Variants in ZBTB20 observed in about 807,000 individuals in gnomAD.
The protein encoded by ZBTB20 is zinc finger and BTB domain containing 20, also known as zinc finger and BTB domain-containing protein 20.
ZBTB20 carries 9 observed loss-of-function variants against 56.9 expected under a neutral mutation model. The observed-to-expected ratio is 0.16, with a 90% confidence interval of 0.10 to 0.28. ZBTB20 has a LOEUF of 0.28. ZBTB20 is among the 10% of genes least tolerant of loss of function. ZBTB20 has a pLI of 1.00. For synonymous variants in ZBTB20, 417 were observed against 420.7 expected, an observed-to-expected ratio of 0.99 and a Z score of 0.11; for missense variants, 655 against 1,003.0, an observed-to-expected ratio of 0.65 and a Z score of 4.69.
At chr3:114,531,801 T>C (rs921599039) in intron 6 of ZBTB20, among the ~76,000 whole-genome samples, 11 of 152,108 alleles carry the variant, frequency 7.2e-5, no homozygotes, top group Admixed American at 1.3e-4. Flanking sequence ...GCTCATCTCA[T>C]TGGGACTGGT....
At chr3:114,980,794 C>T (rs2078294934) in intron 2 of ZBTB20, among the ~76,000 whole-genome samples, 2 of 152,056 alleles carry the variant, frequency 1.3e-5, no homozygotes, top group East Asian at 1.9e-4. Flanking sequence ...GGACTATTTT[C>T]ACCAGCGTAG....
At chr3:114,591,397 G>C (rs1179765327) in intron 6 of ZBTB20, among the ~76,000 whole-genome samples, 1 of 152,058 alleles carries the variant, frequency 6.6e-6, no homozygotes, top group African/African-American at 2.4e-5. Flanking sequence ...TCCCACAGAG[G>C]AAGTCATTCT....
chr3:114,726,141 T>G (rs376819110), intron 5 of ZBTB20, among the ~76,000 whole-genome samples: 1 of 152,092 alleles, frequency 6.6e-6, no homozygotes, highest in East Asian at 1.9e-4. Context: ...GCATGACTGG[T>G]AAGGGTTTTG....
intron 6 of ZBTB20, among the ~76,000 whole-genome samples, chr3:114,541,237 A>T (rs1452845186): frequency 2.9e-4 from 44 of 152,178 alleles, no homozygotes; most frequent in Admixed American, 2.9e-3. Flanking sequence ...AAATGCAAAA[A>T]ATCTAAGTTA....
intron 4 of ZBTB20, among the ~76,000 whole-genome samples, chr3:114,838,194 A>T (rs2074210512): frequency 6.6e-6 from 1 of 152,224 alleles, no homozygotes; most frequent in African/African-American, 2.4e-5. Context: ...GCTATTATCT[A>T]TTCTTAATAA....
At chr3:114,822,335 G>A (rs925538673) in intron 4 of ZBTB20, among the ~76,000 whole-genome samples, 1 of 151,926 alleles carries the variant, frequency 6.6e-6, no homozygotes, top group Non-Finnish European at 1.5e-5. Context: ...TGTCATAAAA[G>A]TAGTAAATAA....
chr3:114,548,081 G>C (rs1183249816), intron 6 of ZBTB20, among the ~76,000 whole-genome samples: 1 of 152,200 alleles, frequency 6.6e-6, no homozygotes, highest in Non-Finnish European at 1.5e-5. Flanking sequence ...TTTGCACCCA[G>C]ATCAGTCCTG....
chr3:114,822,788 T>C (rs1322129347), intron 4 of ZBTB20, among the ~76,000 whole-genome samples: 1 of 152,102 alleles, frequency 6.6e-6, no homozygotes, highest in Non-Finnish European at 1.5e-5. Flanking sequence ...TAGAATTGAC[T>C]AGAATTTAAT....
At chr3:115,120,630 A>T (rs2084159083) in intron 1 of ZBTB20, among the ~76,000 whole-genome samples, 1 of 152,092 alleles carries the variant, frequency 6.6e-6, no homozygotes, top group African/African-American at 2.4e-5. Context: ...ATGATACCAA[A>T]TGGTTAAAAA....
intron 2 of ZBTB20, among the ~76,000 whole-genome samples, chr3:114,992,489 A>C (rs1307610211): frequency 1.3e-5 from 2 of 152,016 alleles, no homozygotes; most frequent in Admixed American, 1.3e-4. Flanking sequence ...AATGAAAGCT[A>C]TAAAGGGAAA....
intron 5 of ZBTB20, among the ~76,000 whole-genome samples, chr3:114,729,393 G>A (rs1309259337): frequency 6.6e-6 from 1 of 152,172 alleles, no homozygotes; most frequent in Non-Finnish European, 1.5e-5. Flanking sequence ...TCGAGACTTT[G>A]AAACTTCTGG....
At chr3:114,626,372 A>G (rs182428388) in intron 6 of ZBTB20, among the ~76,000 whole-genome samples, 2 of 152,336 alleles carry the variant, frequency 1.3e-5, no homozygotes, top group East Asian at 3.9e-4. Flanking sequence ...CACTGAATCA[A>G]TGTTCATTAA....
chr3:114,763,238 C>T (rs898807762), intron 5 of ZBTB20, among the ~76,000 whole-genome samples: 2 of 152,094 alleles, frequency 1.3e-5, no homozygotes, highest in Non-Finnish European at 2.9e-5. Flanking sequence ...TACTTTAAGG[C>T]ATTGCTTTCT....
intron 6 of ZBTB20, among the ~76,000 whole-genome samples, chr3:114,647,918 A>C (rs1451724898): frequency 6.6e-6 from 1 of 152,174 alleles, no homozygotes; most frequent in Non-Finnish European, 1.5e-5. Context: ...AAAATGATTA[A>C]TCTCCAACTT....
At chr3:115,128,972 G>A (rs1222796665) in intron 1 of ZBTB20, among the ~76,000 whole-genome samples, 3 of 152,128 alleles carry the variant, frequency 2.0e-5, no homozygotes, top group South Asian at 2.1e-4. Flanking sequence ...GGTGTCGGGC[G>A]CCTGTAGTCC....
rs137881102 is a variant in ZBTB20, at chr3:114,537,519, C to T, written c.-294-37128G>A. Among the ~76,000 whole-genome samples, 149 of 152,246 alleles carry T rather than the reference C, an allele frequency of 9.8e-4. 1 individual carries two copies. Among genetic ancestry groups the T allele is most frequent in the African/African-American group, 3.5e-3 (146 of 41,552 alleles). The stretch of plus-strand genomic sequence containing the variant: ...TGGAGAGGATGTGGAGAAATAGGAA[C>T]GCTTTTACACTGTTGGTGGGAGTGT... On this transcript the variant is annotated intron_variant, in intron 6 of 11. Transcript: ENST00000675478.
chr3:114,569,301 G>A (rs989468625), intron 6 of ZBTB20, among the ~76,000 whole-genome samples: 1 of 152,264 alleles, frequency 6.6e-6, no homozygotes, highest in Admixed American at 6.5e-5. Context: ...GTGGATAGAT[G>A]GGAATTCCCA....
chr3:114,419,824 T>TG, intron 7 of ZBTB20, among the ~76,000 whole-genome samples: 1 of 152,118 alleles, frequency 6.6e-6, no homozygotes, highest in Admixed American at 6.6e-5. Flanking sequence ...ACCAGGGCAA[T>TG]GGCCCTTATT....
intron 1 of ZBTB20, among the ~76,000 whole-genome samples, chr3:115,075,737 T>C (rs1300309859): frequency 2.6e-5 from 4 of 152,140 alleles, no homozygotes; most frequent in African/African-American, 9.7e-5. Context: ...GGATGTTCAC[T>C]CTCGGCACTT....
Sources: allele counts gnomAD v4.1 joint callset (sites outside exome capture counted in the v4.1 genomes callset), GRCh38; gene constraint gnomAD v4.1.1; transcripts MANE v1.5; gene names NCBI Gene and HGNC (gene_info 2026-07-23, HGNC 2026-07-21).